The following PPP1R9A variants were observed in gnomAD, a reference collection of about 807,000 sequenced individuals.
PPP1R9A encodes the protein neurabin-1.
In PPP1R9A, 59 loss-of-function variants were observed where a neutral mutation model predicts 141.9. The ratio of observed to expected loss-of-function variants is 0.42; its 90% CI spans 0.34 to 0.52. The LOEUF (loss-of-function observed/expected upper bound fraction) is 0.52. PPP1R9A is among the 20% of genes least tolerant of loss of function. The probability of loss-of-function intolerance (pLI) is 0.10; values close to 1 mark genes in which losing one functional copy is unlikely to be tolerated. For synonymous variants in PPP1R9A, 500 were observed against 569.7 expected, an observed-to-expected ratio of 0.88 and a Z score of 1.74; for missense variants, 1,444 against 1,611.9, an observed-to-expected ratio of 0.90 and a Z score of 1.78.
At chr7:95,135,763 C>T (rs916732078) in intron 4 of PPP1R9A, among the ~76,000 whole-genome samples, 32 of 150,250 alleles carry the variant, frequency 2.1e-4, no homozygotes, top group African/African-American at 7.8e-4. Flanking sequence ...GTGCTCTTGC[C>T]TTATTAAAGT....
At position 95,248,439 on chromosome 7, in the gene PPP1R9A, G is replaced by A. The variant is rs138272954; in HGVS notation, c.2166+913G>A. Among the ~76,000 whole-genome samples, 8 of 152,018 alleles carry A rather than the reference G, an allele frequency of 5.3e-5. No individual in the cohort carries two copies. The East Asian group carries it at 1.2e-3, about 22-fold the overall frequency. On this transcript the variant is annotated intron_variant, in intron 9 of 19. Transcript: ENST00000433360. ...CTCTGCAGCTCTTTAGTCAAAATAC[G>A]ACTATACATCATTCACGGTGTTAGT...
At chr7:95,100,045 TTATA>T (rs1196938738) in intron 2 of PPP1R9A, among the ~76,000 whole-genome samples, 1 of 152,100 alleles carries the variant, frequency 6.6e-6, no homozygotes, top group Admixed American at 6.6e-5. Flanking sequence ...TATATTTTAC[TTATA>T]TATGTGTGTG....
intron 2 of PPP1R9A, among the ~76,000 whole-genome samples, chr7:95,075,915 G>A (rs918971261): frequency 7.2e-5 from 11 of 152,106 alleles, no homozygotes; most frequent in African/African-American, 2.7e-4. Context: ...TGGGTAACTT[G>A]TGGGAAAGTA....
intron 2 of PPP1R9A, among the ~76,000 whole-genome samples, chr7:95,068,474 A>AAG (rs1813291560): frequency 1.7e-4 from 1 of 5,838 alleles, no homozygotes; most frequent in Non-Finnish European, 3.3e-4. Context: ...TTGTCTCAAG[A>AAG]AAAAAAAAAA....
intron 5 of PPP1R9A, among the ~76,000 whole-genome samples, chr7:95,173,689 A>T (rs948621194): frequency 6.6e-6 from 1 of 152,032 alleles, no homozygotes; most frequent in African/African-American, 2.4e-5. Context: ...GAGTTTTTAA[A>T]TGTGCAAGTC....
chr7:95,218,359 C>A (rs187013337), intron 7 of PPP1R9A, among the ~76,000 whole-genome samples: 34 of 152,124 alleles, frequency 2.2e-4, no homozygotes, highest in African/African-American at 7.9e-4. Flanking sequence ...CTGTTCTTTT[C>A]CATTTGCTCA....
intron 2 of PPP1R9A, among the ~76,000 whole-genome samples, chr7:94,979,610 A>G (rs1168968338): frequency 2.6e-5 from 4 of 152,242 alleles, no homozygotes; most frequent in Non-Finnish European, 5.9e-5. Flanking sequence ...TGTTATTATC[A>G]AGGTCACCCC....
intron 2 of PPP1R9A, among the ~76,000 whole-genome samples, chr7:95,073,929 C>A (rs912242048): frequency 6.6e-6 from 1 of 151,496 alleles, no homozygotes; most frequent in South Asian, 2.1e-4. Flanking sequence ...TTCACACTCA[C>A]ACACGCTATT....
intron 17 of PPP1R9A, among the ~76,000 whole-genome samples, chr7:95,285,349 CTT>C (rs1236225973): frequency 6.6e-6 from 1 of 152,194 alleles, no homozygotes; most frequent in African/African-American, 2.4e-5. Flanking sequence ...CAGCACATCA[CTT>C]TGGTCTTGAA....
chr7:95,033,150 A>G (rs190421686), intron 2 of PPP1R9A, among the ~76,000 whole-genome samples: 5,871 of 140,294 alleles, frequency 0.042, 171 homozygotes, highest in Middle Eastern at 0.13. Context: ...AACTACAGGC[A>G]CCCGCCACCA....
At chr7:95,019,733 A>T (rs1031304498) in intron 2 of PPP1R9A, among the ~76,000 whole-genome samples, 16 of 152,192 alleles carry the variant, frequency 1.1e-4, no homozygotes, top group Non-Finnish European at 2.1e-4. Flanking sequence ...GATGGCAAGC[A>T]TGTGGAACAA....
intron 2 of PPP1R9A, among the ~76,000 whole-genome samples, chr7:94,924,193 C>T (rs997324583): frequency 2.0e-5 from 3 of 152,100 alleles, no homozygotes; most frequent in African/African-American, 7.2e-5. Context: ...AATAATTTCA[C>T]TGGTTGTGAT....
chr7:95,161,994 A>G, intron 5 of PPP1R9A, 23 bp downstream of exon 5: 1 of 1,427,174 alleles, frequency 7.0e-7, no homozygotes, highest in African/African-American at 1.4e-5. Context: ...CTTCTAATAT[A>G]CACCATGTTG....
chr7:95,133,032 A>C (rs1432764747), intron 4 of PPP1R9A, among the ~76,000 whole-genome samples: 1 of 152,232 alleles, frequency 6.6e-6, no homozygotes, highest in Non-Finnish European at 1.5e-5. Context: ...TTAGATACTC[A>C]GACACCAGAG....
At chr7:95,143,801 G>C (rs1391356573) in intron 4 of PPP1R9A, among the ~76,000 whole-genome samples, 1 of 151,822 alleles carries the variant, frequency 6.6e-6, no homozygotes, top group African/African-American at 2.4e-5. Context: ...TATTTTATTT[G>C]ACATTTCCTA....
intron 2 of PPP1R9A, among the ~76,000 whole-genome samples, chr7:94,953,125 A>G (rs1393919138): frequency 1.3e-5 from 2 of 151,948 alleles, no homozygotes; most frequent in Non-Finnish European, 2.9e-5. Context: ...ATCTTGAGTT[A>G]ATTTTTGTAT....
Position 95,120,790 on chromosome 7 carries a change from T to C in PPP1R9A, c.1607T>C (p.Val536Ala). The stretch of plus-strand genomic sequence containing the variant: ...GGACTTGAAAAGCTGGGAATATTCG[T>C]CAAGACAGTAACAGAAGGTGGTGCT... ...DAGLEKLGIF[V>A]KTVTEGGAAQ... Residue 536 changes from valine (V) to alanine (A), a missense_variant, in exon 4 of 20, where the codon GTC (valine) becomes GCC (alanine). By Grantham distance (64) the Val-to-Ala change is moderately conservative. Coordinates refer to ENST00000433360, the MANE Select transcript of PPP1R9A (RefSeq NM_001166160.2). The C allele has an allele frequency of 6.2e-7, 1 of 1,614,026 alleles. No individual in the cohort carries two copies. The highest frequency in any genetic ancestry group is 8.5e-7 in the Non-Finnish European group (1 of 1,179,972).
chr7:95,241,813 C>T (rs1797507680), intron 8 of PPP1R9A, among the ~76,000 whole-genome samples: 1 of 151,978 alleles, frequency 6.6e-6, no homozygotes, highest in South Asian at 2.1e-4. Flanking sequence ...TGGAAGTTTC[C>T]ACTACCATGT....
At chr7:95,014,268 C>T (rs559520662) in intron 2 of PPP1R9A, among the ~76,000 whole-genome samples, 1 of 152,150 alleles carries the variant, frequency 6.6e-6, no homozygotes, top group African/African-American at 2.4e-5. Context: ...TACATTTAGA[C>T]ATCATGTCTC....
Sources: allele counts gnomAD v4.1 joint callset (sites outside exome capture counted in the v4.1 genomes callset), GRCh38; gene constraint gnomAD v4.1.1; transcripts MANE v1.5; gene names NCBI Gene and HGNC (gene_info 2026-07-23, HGNC 2026-07-21).